The following NALF1 variants were observed in gnomAD, a reference collection of about 807,000 sequenced individuals.
NALF1 encodes the protein NALCN channel auxiliary factor 1.
In NALF1, 3 loss-of-function variants were observed where a neutral mutation model predicts 48.4. That is an observed-to-expected ratio of 0.06 (90% CI 0.03 to 0.16). NALF1 has a LOEUF of 0.16. Among genes scored for constraint, NALF1 ranks in the 10% least tolerant of loss-of-function variants. NALF1 has a pLI of 1.00. For synonymous variants in NALF1, 262 were observed against 245.7 expected, an observed-to-expected ratio of 1.07 and a Z score of -0.62; for missense variants, 526 against 571.5, an observed-to-expected ratio of 0.92 and a Z score of 0.81.
At chr13:107,848,642 T>C (rs921880554) in intron 1 of NALF1, among the ~76,000 whole-genome samples, 1 of 152,208 alleles carries the variant, frequency 6.6e-6, no homozygotes. Flanking sequence ...CTAAATTCCC[T>C]AAGCATCCTC....
intron 1 of NALF1, among the ~76,000 whole-genome samples, chr13:107,352,558 T>C (rs1365715803): frequency 2.6e-5 from 4 of 152,132 alleles, no homozygotes; most frequent in African/African-American, 9.7e-5. Flanking sequence ...CAACTTCTCC[T>C]TGTGCTCTCA....
At chr13:107,195,848 T>C (rs2138788908) in intron 2 of NALF1, among the ~76,000 whole-genome samples, 1 of 152,324 alleles carries the variant, frequency 6.6e-6, no homozygotes, top group Non-Finnish European at 1.5e-5. Flanking sequence ...CATTTATTCT[T>C]ACAATGTCTC....
chr13:107,415,893 G>A (rs756198975), intron 1 of NALF1, among the ~76,000 whole-genome samples: 10 of 152,062 alleles, frequency 6.6e-5, no homozygotes, highest in South Asian at 2.1e-4. Context: ...GTTTATATCC[G>A]ACATGTAAGA....
chr13:107,515,885 A>C (rs944984054), intron 1 of NALF1, among the ~76,000 whole-genome samples: 45 of 152,204 alleles, frequency 3.0e-4, no homozygotes, highest in African/African-American at 1.0e-3. Flanking sequence ...TCATTGTTTT[A>C]GAAGAAAGTT....
intron 1 of NALF1, among the ~76,000 whole-genome samples, chr13:107,685,796 T>C (rs1881418181): frequency 6.6e-6 from 1 of 152,178 alleles, no homozygotes; most frequent in Non-Finnish European, 1.5e-5. Flanking sequence ...AGTGCAGAAA[T>C]GCAAATGATT....
intron 2 of NALF1, among the ~76,000 whole-genome samples, chr13:107,174,517 G>C (rs1878875793): frequency 6.6e-6 from 1 of 151,604 alleles, no homozygotes; most frequent in Non-Finnish European, 1.5e-5. Context: ...CAACACACCT[G>C]GCTAATTTTT....
rs375663425 is a variant in NALF1 at position 107,519,828 on chromosome 13, G to T, written c.916-309073C>A. On this transcript the variant is annotated intron_variant, in intron 1 of 2. Coordinates refer to ENST00000375915, the MANE Select transcript of NALF1 (RefSeq NM_001080396.3). ...GAGAGAAAAGAAGTAGCTTGAGAAA[G>T]AGTTTTCAGGTATTATTCAGTTAGA... Among the ~76,000 whole-genome samples, 16 of 152,230 alleles carry T rather than the reference G, an allele frequency of 1.1e-4. 1 individual carries two copies. Among genetic ancestry groups the T allele is most frequent in the African/African-American group, 3.9e-4 (16 of 41,544 alleles).
intron 1 of NALF1, among the ~76,000 whole-genome samples, chr13:107,602,180 C>T (rs1878948394): frequency 6.6e-6 from 1 of 152,098 alleles, no homozygotes; most frequent in Non-Finnish European, 1.5e-5. Flanking sequence ...TAATAAATGA[C>T]AGGTTTGGCC....
At chr13:107,540,589 G>C (rs1033662427) in intron 1 of NALF1, among the ~76,000 whole-genome samples, 2 of 152,098 alleles carry the variant, frequency 1.3e-5, no homozygotes, top group African/African-American at 4.8e-5. Context: ...TCAATCGAAA[G>C]CTCTGGCGTT....
At chr13:107,530,156 T>C (rs970341151) in intron 1 of NALF1, among the ~76,000 whole-genome samples, 2 of 152,090 alleles carry the variant, frequency 1.3e-5, no homozygotes, top group African/African-American at 2.4e-5. Flanking sequence ...CACTCTCTCC[T>C]GCCTATTAAT....
intron 1 of NALF1, among the ~76,000 whole-genome samples, chr13:107,642,497 T>C (rs758411721): frequency 1.3e-5 from 2 of 152,236 alleles, no homozygotes; most frequent in Non-Finnish European, 2.9e-5. Flanking sequence ...TGCATGTTGC[T>C]GAGCTGAAAT....
chr13:107,836,819 T>C (rs944380587), intron 1 of NALF1, among the ~76,000 whole-genome samples: 2 of 152,194 alleles, frequency 1.3e-5, no homozygotes, highest in African/African-American at 2.4e-5. Context: ...TCTTTATGAA[T>C]GTCACTAACA....
intron 1 of NALF1, chr13:107,466,281 C>A (rs1885001346): frequency 6.6e-6 from 1 of 152,320 alleles, no homozygotes; most frequent in African/African-American, 2.4e-5. Context: ...CACTGCCAAA[C>A]CATATCAATG....
chr13:107,795,872 C>T (rs1005828468), intron 1 of NALF1, among the ~76,000 whole-genome samples: 1 of 152,084 alleles, frequency 6.6e-6, no homozygotes. Flanking sequence ...GAGGAATAAT[C>T]CCCAAACACC....
At chr13:107,379,435 T>C (rs1883393710) in intron 1 of NALF1, among the ~76,000 whole-genome samples, 1 of 152,198 alleles carries the variant, frequency 6.6e-6, no homozygotes, top group Non-Finnish European at 1.5e-5. Flanking sequence ...GCTAATTTAC[T>C]AATAGGATGT....
At chr13:107,467,028 C>T (rs1031049927) in intron 1 of NALF1, among the ~76,000 whole-genome samples, 12 of 152,248 alleles carry the variant, frequency 7.9e-5, no homozygotes, top group African/African-American at 2.9e-4. Context: ...GACAATGATG[C>T]ATAGTAATTT....
chr13:107,397,986 T>A (rs1340188582), intron 1 of NALF1, among the ~76,000 whole-genome samples: 2 of 152,138 alleles, frequency 1.3e-5, no homozygotes. Flanking sequence ...GATGAACTTG[T>A]CTGATATTTA....
At chr13:107,533,495 A>G (rs879890389) in intron 1 of NALF1, among the ~76,000 whole-genome samples, 31 of 152,130 alleles carry the variant, frequency 2.0e-4, no homozygotes, top group Non-Finnish European at 1.6e-4. Context: ...ACAACCGAAC[A>G]TGCCTGCACC....
intron 1 of NALF1, among the ~76,000 whole-genome samples, chr13:107,573,453 CTCT>C (rs1878048119): frequency 6.6e-6 from 1 of 152,086 alleles, no homozygotes; most frequent in South Asian, 2.1e-4. Flanking sequence ...AAATATACCT[CTCT>C]TCTTTTTACC....
Sources: gnomAD v4.1 joint callset for allele counts (sites outside exome capture counted in the v4.1 genomes callset) on GRCh38, gnomAD v4.1.1 for gene constraint, MANE v1.5 for transcripts, NCBI Gene and HGNC (gene_info 2026-07-23, HGNC 2026-07-21) for gene names.